TTC7B: variants seen among roughly 807,000 people sequenced by gnomAD.
The protein encoded by TTC7B is tetratricopeptide repeat domain 7B, also known as tetratricopeptide repeat protein 7B.
TTC7B carries 28 observed loss-of-function variants against 106.8 expected under a neutral mutation model. The ratio of observed to expected loss-of-function variants is 0.26; its 90% CI spans 0.19 to 0.36. TTC7B has a LOEUF of 0.36. TTC7B is among the 10% of genes least tolerant of loss of function. TTC7B has a pLI of 1.00. For missense variants in TTC7B, 862 were observed against 1,076.4 expected, an observed-to-expected ratio of 0.80 and a Z score of 2.79; for synonymous variants, 405 against 430.6, an observed-to-expected ratio of 0.94 and a Z score of 0.74.
At chr14:90,625,569 G>A (rs1434043902) in intron 15 of TTC7B, among the ~76,000 whole-genome samples, 1 of 152,134 alleles carries the variant, frequency 6.6e-6, no homozygotes, top group Admixed American at 6.6e-5. Context: ...AATCAATACC[G>A]TCACTGGCCC....
intron 4 of TTC7B, among the ~76,000 whole-genome samples, chr14:90,741,572 G>C (rs551225709): frequency 2.4e-4 from 37 of 152,188 alleles, no homozygotes; most frequent in African/African-American, 7.9e-4. Context: ...ATTTGCCTTG[G>C]ATTGCTCAAG....
chr14:90,707,360 T>C (rs1888252975), intron 5 of TTC7B, among the ~76,000 whole-genome samples: 1 of 152,200 alleles, frequency 6.6e-6, no homozygotes, highest in Non-Finnish European at 1.5e-5. Flanking sequence ...CCCTGAGACA[T>C]AATATTGAAA....
chr14:90,641,235 A>T (rs1885156892), intron 15 of TTC7B, among the ~76,000 whole-genome samples: 1 of 152,210 alleles, frequency 6.6e-6, no homozygotes, highest in African/African-American at 2.4e-5. Context: ...TCATGGTGAC[A>T]GGAATGTAAC....
intron 2 of TTC7B, among the ~76,000 whole-genome samples, chr14:90,781,685 G>A (rs1192833613): frequency 6.6e-6 from 1 of 152,220 alleles, no homozygotes; most frequent in Non-Finnish European, 1.5e-5. Context: ...CCAAATGGAT[G>A]TGAAGATCAG....
intron 15 of TTC7B, among the ~76,000 whole-genome samples, chr14:90,629,139 G>T (rs1218447181): frequency 6.6e-6 from 1 of 152,226 alleles, no homozygotes; most frequent in African/African-American, 2.4e-5. Flanking sequence ...TCTGAAGGTG[G>T]CTTATCAATT....
At chr14:90,715,731 C>T (rs973223899) in intron 5 of TTC7B, among the ~76,000 whole-genome samples, 23 of 152,144 alleles carry the variant, frequency 1.5e-4, no homozygotes, top group Admixed American at 1.4e-3. Flanking sequence ...CTCACGAGCA[C>T]GTAAAGTGTA....
At chr14:90,592,179 CAAA>C (rs916703920) in intron 18 of TTC7B, among the ~76,000 whole-genome samples, 3 of 151,926 alleles carry the variant, frequency 2.0e-5, no homozygotes, top group Non-Finnish European at 2.9e-5. Context: ...TTAGCCTTGG[CAAA>C]AAAGGAGTCA....
chr14:90,692,727 C>T (rs1258013063), intron 6 of TTC7B, among the ~76,000 whole-genome samples: 2 of 152,162 alleles, frequency 1.3e-5, no homozygotes, highest in African/African-American at 4.8e-5. Context: ...TTTATGAATA[C>T]TGAGAAGAGG....
chr14:90,625,122 G>C (rs889595613), intron 15 of TTC7B, among the ~76,000 whole-genome samples: 1 of 152,230 alleles, frequency 6.6e-6, no homozygotes, highest in Non-Finnish European at 1.5e-5. Flanking sequence ...AGGCTGAAGG[G>C]GGCAGGGGGC....
intron 12 of TTC7B, 141 bp downstream of exon 12, chr14:90,654,852 G>A: frequency 1.5e-6 from 1 of 658,056 alleles, no homozygotes; most frequent in Non-Finnish European, 2.6e-6. Context: ...AGCAGCACCA[G>A]GGGCCCCACC....
intron 19 of TTC7B, among the ~76,000 whole-genome samples, chr14:90,552,807 C>T (rs950984565): frequency 6.6e-6 from 1 of 152,216 alleles, no homozygotes; most frequent in African/African-American, 2.4e-5. Context: ...GGGTCGAACA[C>T]GGAAGGCAAA....
At chr14:90,638,183 C>T (rs1885026286) in intron 15 of TTC7B, among the ~76,000 whole-genome samples, 1 of 152,066 alleles carries the variant, frequency 6.6e-6, no homozygotes, top group Non-Finnish European at 1.5e-5. Flanking sequence ...CTGCACCCAG[C>T]TAAATGTAAT....
At chr14:90,603,088 A>G (rs551078238) in intron 17 of TTC7B, among the ~76,000 whole-genome samples, 2 of 152,186 alleles carry the variant, frequency 1.3e-5, no homozygotes, top group South Asian at 4.1e-4. Context: ...TTAGGATCTC[A>G]GGAGGGATGG....
chr14:90,794,671 A>G (rs953332224), intron 1 of TTC7B, among the ~76,000 whole-genome samples: 3 of 152,114 alleles, frequency 2.0e-5, no homozygotes, highest in African/African-American at 2.4e-5. Flanking sequence ...GGAAGTTACA[A>G]TCTCATTTGA....
At chr14:90,810,921 C>T (rs2030865769) in intron 1 of TTC7B, among the ~76,000 whole-genome samples, 1 of 152,128 alleles carries the variant, frequency 6.6e-6, no homozygotes, top group African/African-American at 2.4e-5. Flanking sequence ...GTGGGAGGGT[C>T]CAGGAGGCCA....
chr14:90,707,087 G>C (rs1888241565), intron 5 of TTC7B, among the ~76,000 whole-genome samples: 1 of 152,126 alleles, frequency 6.6e-6, no homozygotes, highest in Non-Finnish European at 1.5e-5. Flanking sequence ...CAAGGACACA[G>C]GGGATGATGG....
chr14:90,719,510 T>C (rs1188888654), intron 5 of TTC7B, among the ~76,000 whole-genome samples: 1 of 152,194 alleles, frequency 6.6e-6, no homozygotes, highest in East Asian at 1.9e-4. Context: ...GCATATCCCT[T>C]GGAAGACCCT....
At chr14:90,717,308 C>T (rs1190823890) in intron 5 of TTC7B, among the ~76,000 whole-genome samples, 3 of 150,248 alleles carry the variant, frequency 2.0e-5, no homozygotes, top group Non-Finnish European at 4.4e-5. Context: ...CCCTGCACCC[C>T]AGCCTGGGCA....
At chr14:90,749,814 T>C (rs188961766) in intron 3 of TTC7B, among the ~76,000 whole-genome samples, 1 of 152,224 alleles carries the variant, frequency 6.6e-6, no homozygotes, top group Non-Finnish European at 1.5e-5. Context: ...TCACATCCAG[T>C]GTACTTTTCA....
Sources: gnomAD v4.1 joint callset for allele counts (sites outside exome capture counted in the v4.1 genomes callset) on GRCh38, gnomAD v4.1.1 for gene constraint, MANE v1.5 for transcripts, NCBI Gene and HGNC (gene_info 2026-07-23, HGNC 2026-07-21) for gene names.